PCIF1: variants seen among roughly 807,000 people sequenced by gnomAD.
PCIF1 encodes phosphorylated CTD interacting factor 1.
In PCIF1, 12 loss-of-function variants were observed where a neutral mutation model predicts 86.9. The observed-to-expected ratio is 0.14, with a 90% confidence interval of 0.09 to 0.22. The LOEUF (loss-of-function observed/expected upper bound fraction) is 0.22, where lower values mean the gene tolerates loss of function less well. PCIF1 is among the 10% of genes least tolerant of loss of function. The probability of loss-of-function intolerance (pLI) is 1.00; values close to 1 mark genes in which losing one functional copy is unlikely to be tolerated. For synonymous variants in PCIF1, 397 were observed against 372.0 expected (o/e 1.07, Z -0.77); for missense variants, 701 against 951.1 (o/e 0.74, Z 3.46).
At chr20:45,945,163 C>A in intron 11 of PCIF1, 133 bp downstream of exon 11, 1 of 1,102,622 alleles carries the variant, frequency 9.1e-7, no homozygotes, top group Non-Finnish European at 1.3e-6. Flanking sequence ...TTTGGCTGTA[C>A]TTCTCTGGGA....
chr20:45,938,933 G>A, intron 2 of PCIF1, 48 bp from the exon 3 acceptor site: 1 of 1,598,300 alleles, frequency 6.3e-7, no homozygotes, highest in Admixed American at 1.7e-5. Flanking sequence ...GATTGTAATT[G>A]GCGGGTGAGG....
chr20:45,937,900 C>G, intron 2 of PCIF1: 1 of 253,370 alleles, frequency 3.9e-6, no homozygotes, highest in Non-Finnish European at 7.4e-6. Context: ...AACAACCAAT[C>G]AGAGCTTCTG....
Position 45,948,020 on chromosome 20 carries a change from A to G in PCIF1, c.*265A>G. 4.2e-6 allele frequency: 6 copies of G among 1,430,694 alleles called. No homozygotes were observed. Among genetic ancestry groups the G allele is most frequent in the East Asian group, 2.8e-5 (1 of 36,224 alleles). The allele number at this position is 1,430,694 out of a possible 1,614,324, so 88.6% of individuals were successfully genotyped here. A position where few individuals can be genotyped will look rare whatever the true frequency, so the allele number is the denominator to read the frequency against. On this transcript the variant is annotated 3_prime_UTR_variant, in exon 17 of 17. Coordinates refer to ENST00000372409, the MANE Select transcript of PCIF1 (RefSeq NM_022104.4). ...AAAAGGAAATACAGAAACCCCCCCAAGAATGTGTGAGGGTCTTGAGGGCAG... is the reference window on the plus strand; with the variant it reads ...AAAAGGAAATACAGAAACCCCCCCAGGAATGTGTGAGGGTCTTGAGGGCAG...
chr20:45,935,246 C>A (rs1368930370), intron 1 of PCIF1, among the ~76,000 whole-genome samples: 4 of 151,944 alleles, frequency 2.6e-5, no homozygotes. Context: ...CGCCGTCGCG[C>A]CTGCGTACTT....
rs771799726 is a variant in PCIF1, at chr20:45,939,065, C to T, written c.66C>T (p.Thr22=). 3 of 1,614,034 alleles carry T rather than the reference C, an allele frequency of 1.9e-6. No homozygotes were observed. In the South Asian group the frequency reaches 3.3e-5, roughly 18 times the overall value. Residue 22 remains threonine, a synonymous_variant, in exon 3 of 17, where the codon ACC becomes ACT. Transcript: ENST00000372409. ...EASLLSHSPG[T]SNQSQPCSPK... is the part of the protein sequence containing the mutation. ...CCCTGCTGAGTCACTCCCCAGGTAC[C>T]TCCAATCAGAGCCAGCCCTGTTCTC... is the stretch of plus-strand genomic sequence containing the variant.
rs2083437716 is a variant in PCIF1 at position 45,937,631 on chromosome 20, AG to A, written c.-20+47del. On this transcript the variant is annotated intron_variant, in intron 2 of 16. Transcript: ENST00000372409. The stretch of plus-strand genomic sequence containing the variant: ...ATTCAGTCTTGAAACCTGTGTGCTC[AG>A]CCCCCAAGGCATCAGGAATTCTTCC... 1.0e-5 allele frequency: 4 copies of A among 398,702 alleles called. No individual in the cohort carries two copies. In the South Asian group the frequency reaches 5.1e-4, roughly 51 times the overall value. The allele number at this position is 398,702 out of a possible 1,614,324, so 24.7% of individuals were successfully genotyped here.
intron 1 of PCIF1, 31 bp downstream of exon 1, chr20:45,934,835 G>C: frequency 2.5e-6 from 1 of 398,090 alleles, no homozygotes; most frequent in South Asian, 1.3e-4. Context: ...TGGTCCCGCA[G>C]CGAGCCGCGC....
At chr20:45,937,101 G>T (rs970837429) in intron 1 of PCIF1, among the ~76,000 whole-genome samples, 5 of 152,214 alleles carry the variant, frequency 3.3e-5, no homozygotes, top group Non-Finnish European at 5.9e-5. Flanking sequence ...GTGGGGCCCA[G>T]TGTGCAAAAT....
chr20:45,936,011 A>C (rs761689031), intron 1 of PCIF1, among the ~76,000 whole-genome samples: 29 of 152,190 alleles, frequency 1.9e-4, no homozygotes, highest in Non-Finnish European at 2.9e-4. Context: ...AAGGCGAACA[A>C]GATGTGTCAC....
chr20:45,935,534 C>T (rs1568789031), intron 1 of PCIF1, among the ~76,000 whole-genome samples: 1 of 152,136 alleles, frequency 6.6e-6, no homozygotes, highest in African/African-American at 2.4e-5. Flanking sequence ...ATATAACGGT[C>T]GAGTGATTCC....
chr20:45,935,310 G>A (rs1191275423), intron 1 of PCIF1, among the ~76,000 whole-genome samples: 1 of 152,160 alleles, frequency 6.6e-6, no homozygotes. Context: ...TTGGTACATT[G>A]CGGAGATGGT....
chr20:45,947,867 T>G lies in PCIF1; in HGVS notation c.*112T>G, dbSNP rs946195434. 9.1e-6 allele frequency: 14 copies of G among 1,531,542 alleles called. No homozygotes were observed. The highest frequency in any genetic ancestry group is 1.1e-5 in the Non-Finnish European group (13 of 1,147,440). The allele number at this position is 1,531,542 out of a possible 1,614,324, so 94.9% of individuals were successfully genotyped here. A position where few individuals can be genotyped will look rare whatever the true frequency, so the allele number is the denominator to read the frequency against. ...GCCACTGACATATGAAGATTATGGT[T>G]CTGCCAGGGCTCCCCTCCCTGCCTG... On this transcript the variant is annotated 3_prime_UTR_variant, in exon 17 of 17. Coordinates refer to ENST00000372409, the MANE Select transcript of PCIF1 (RefSeq NM_022104.4). The surrounding 1 kb of genome is among the most constrained non-coding windows in gnomAD (Gnocchi z 5.4).
At chr20:45,937,861 A>C in intron 2 of PCIF1, 1 of 320,604 alleles carries the variant, frequency 3.1e-6, no homozygotes, top group Admixed American at 4.9e-5. Context: ...CAATAAAATC[A>C]GTGTCCCAAT....
intron 2 of PCIF1, among the ~76,000 whole-genome samples, chr20:45,938,128 TGAG>T (rs1225379141): frequency 1.1e-4 from 16 of 152,338 alleles, no homozygotes; most frequent in Admixed American, 2.0e-4. Context: ...CTTTGGCTCC[TGAG>T]GCTGTTGCTG....
At chr20:45,942,057 C>G (rs953378518) in intron 7 of PCIF1, among the ~76,000 whole-genome samples, 6 of 150,022 alleles carry the variant, frequency 4.0e-5, no homozygotes, top group Admixed American at 1.3e-4. Context: ...CTCACTGCAA[C>G]CTCCACCTCC....
intron 1 of PCIF1, among the ~76,000 whole-genome samples, chr20:45,935,965 T>C: frequency 6.6e-6 from 1 of 152,292 alleles, no homozygotes; most frequent in Admixed American, 6.5e-5. Flanking sequence ...TGCATCAATA[T>C]CACAGGATGT....
chr20:45,942,499 G>T (rs1375549857), intron 7 of PCIF1, among the ~76,000 whole-genome samples: 1 of 151,440 alleles, frequency 6.6e-6, no homozygotes, highest in African/African-American at 2.4e-5. Flanking sequence ...ATTTTTAGTA[G>T]AGATGGGTTT....
At chr20:45,946,919 C>T (rs1226256749) in intron 14 of PCIF1, among the ~76,000 whole-genome samples, 154 bp from the exon 15 acceptor site, 5 of 152,282 alleles carry the variant, frequency 3.3e-5, no homozygotes, top group East Asian at 1.9e-4. Context: ...TCAGTGGAGA[C>T]GGTCATGCCT....
At chr20:45,935,402 C>T (rs966382695) in intron 1 of PCIF1, among the ~76,000 whole-genome samples, 3 of 152,148 alleles carry the variant, frequency 2.0e-5, no homozygotes, top group Non-Finnish European at 2.9e-5. Context: ...AGTTGTTTAT[C>T]CTTGAGCAGC....
Sources: allele counts gnomAD v4.1 joint callset (sites outside exome capture counted in the v4.1 genomes callset), GRCh38; gene constraint gnomAD v4.1.1; non-coding constraint Gnocchi (gnomAD v3.1); transcripts MANE v1.5; gene names NCBI Gene and HGNC (gene_info 2026-07-23, HGNC 2026-07-21).